The following PC variants were observed in gnomAD, a reference collection of about 807,000 sequenced individuals.
PC encodes the protein pyruvate carboxylase, mitochondrial.
Under a neutral mutation model 107.8 loss-of-function variants are expected in PC, and 46 were observed. The ratio of observed to expected loss-of-function variants is 0.43; its 90% CI spans 0.34 to 0.55. The LOEUF (loss-of-function observed/expected upper bound fraction) is 0.55. PC is among the 20% of genes least tolerant of loss of function. The pLI is 0.04. For synonymous variants in PC, 662 were observed against 684.7 expected (o/e 0.97, Z 0.52); for missense variants, 1,241 against 1,643.1 (o/e 0.76, Z 4.23).
Position 66,849,965 on chromosome 11 carries a change from C to G in PC, c.2870G>C (p.Gly957Ala). 1 of 1,613,674 alleles carries G rather than the reference C, an allele frequency of 6.2e-7. No homozygotes were observed. The highest frequency in any genetic ancestry group is 8.5e-7 in the Non-Finnish European group (1 of 1,180,036). ...FLQGYIGVPHGGFPEPFRSKV... is the reference protein window; with the variant it reads ...FLQGYIGVPHAGFPEPFRSKV... ...AGAGCGAAAGGGTTCGGGGAACCCCCCATGGGGGACACCGATGTAGCCCTG... is the reference window on the plus strand; with the variant it reads ...AGAGCGAAAGGGTTCGGGGAACCCCGCATGGGGGACACCGATGTAGCCCTG... The change falls in exon 20 of 23, where the codon GGG becomes GCG. Residue 957 changes from glycine (G) to alanine (A), a missense_variant. Transcript: ENST00000393960.
intron 10 of PC, among the ~76,000 whole-genome samples, chr11:66,867,146 G>A (rs1221207857): frequency 6.6e-6 from 1 of 152,214 alleles, no homozygotes; most frequent in African/African-American, 2.4e-5. Context: ...AGCACTTTGG[G>A]AGGCCAAAGT....
intron 3 of PC, among the ~76,000 whole-genome samples, chr11:66,932,985 AC>A (rs1363981251): frequency 6.6e-6 from 1 of 152,104 alleles, no homozygotes; most frequent in East Asian, 1.9e-4. Context: ...CGTCTAAAAT[AC>A]CTCTTCCACC....
intron 3 of PC, among the ~76,000 whole-genome samples, chr11:66,946,113 A>G (rs1949283142): frequency 1.3e-5 from 2 of 151,084 alleles, no homozygotes; most frequent in South Asian, 2.1e-4. Context: ...AAAAAAAAAA[A>G]AGAAATCTGT....
At chr11:66,873,510 A>C (rs1473215378) in intron 3 of PC, among the ~76,000 whole-genome samples, 10 of 1,342 alleles carry the variant, frequency 7.5e-3, no homozygotes, top group African/African-American at 8.3e-3. Context: ...ATAATATTAT[A>C]TATTATATTA....
chr11:66,903,427 AATTATT>A (rs1258011968), intron 3 of PC, among the ~76,000 whole-genome samples: 1 of 151,964 alleles, frequency 6.6e-6, no homozygotes, highest in Non-Finnish European at 1.5e-5. Flanking sequence ...TACGGACTAT[AATTATT>A]ATTATTTTAA....
Position 66,849,619 on chromosome 11 carries a change from C to T in PC, c.3139G>A (p.Glu1047Lys), listed in dbSNP as rs368722515. 6.2e-7 allele frequency: 1 copy of T among 1,614,184 alleles called. No individual in the cohort carries two copies. Among genetic ancestry groups the T allele is most frequent in the South Asian group, 1.1e-5 (1 of 91,084 alleles). The change falls in exon 21 of 23, where the codon GAG (glutamate) becomes AAG (lysine). Residue 1047 changes from glutamate to lysine, a missense_variant. Glu to Lys is a moderately conservative substitution (Grantham distance 56). Around this residue, in one of 2 missense-constraint regions of PC, gnomAD observed 1,143 missense variants for 1,551.9 expected, o/e 0.74. Transcript: ENST00000393960. ...GCGCCAGAGCCACTGACCTCAAACT[C>T]CTCTGCGATCTTGGGTCCCTGCAGG... The part of the protein sequence containing the change: ...LFLQGPKIAE[E>K]FEVELERGKT...
chr11:66,863,018 G>T (rs1946337615), intron 12 of PC, among the ~76,000 whole-genome samples: 1 of 148,484 alleles, frequency 6.7e-6, no homozygotes, highest in Admixed American at 6.7e-5. Context: ...TTGCCTGGTG[G>T]GGGGGGATCC....
intron 12 of PC, chr11:66,859,541 G>C: frequency 1.9e-6 from 3 of 1,564,480 alleles, no homozygotes; most frequent in Non-Finnish European, 2.6e-6. Flanking sequence ...GTGGCCCCAG[G>C]GGGAGGGGTG....
At chr11:66,931,419 G>A (rs1047543249) in intron 3 of PC, among the ~76,000 whole-genome samples, 23 of 151,412 alleles carry the variant, frequency 1.5e-4, no homozygotes, top group Non-Finnish European at 3.4e-4. Context: ...AATAGCTGAG[G>A]GAAGGGACTT....
chr11:66,888,296 A>T (rs1414794009), intron 3 of PC, among the ~76,000 whole-genome samples: 2 of 152,236 alleles, frequency 1.3e-5, no homozygotes, highest in Non-Finnish European at 2.9e-5. Flanking sequence ...ACGCTTCCCA[A>T]GCTGGAGTCC....
At chr11:66,927,778 C>T (rs1591293339) in intron 3 of PC, among the ~76,000 whole-genome samples, 2 of 151,632 alleles carry the variant, frequency 1.3e-5, no homozygotes, top group African/African-American at 2.4e-5. Context: ...TCTGCTTTCC[C>T]CACTAGAAAG....
At chr11:66,935,159 T>C (rs1053348948) in intron 3 of PC, among the ~76,000 whole-genome samples, 5 of 152,244 alleles carry the variant, frequency 3.3e-5, no homozygotes, top group Non-Finnish European at 4.4e-5. Flanking sequence ...AAAGAACCAT[T>C]TCTTGGAGTA....
intron 3 of PC, among the ~76,000 whole-genome samples, chr11:66,920,787 G>A (rs1948575623): frequency 1.3e-5 from 2 of 152,190 alleles, no homozygotes; most frequent in Admixed American, 1.3e-4. Flanking sequence ...GCTCACGCCT[G>A]TAATCCCAAC....
intron 1 of PC, among the ~76,000 whole-genome samples, chr11:66,955,054 C>T (rs1949527725): frequency 6.6e-6 from 1 of 152,204 alleles, no homozygotes; most frequent in African/African-American, 2.4e-5. Flanking sequence ...GACCTTGGTG[C>T]TGGCCATCCC....
chr11:66,909,097 C>T (rs1274457443), intron 3 of PC, among the ~76,000 whole-genome samples: 5 of 152,212 alleles, frequency 3.3e-5, no homozygotes, highest in African/African-American at 9.6e-5. Context: ...CCCTGTTCCC[C>T]GTGTCCAGTG....
rs1042547296 is a variant in PC at position 66,870,999 on chromosome 11, C to T, written c.633+53G>A. ...AGATCCCTTGAGTGGTCCGCCCCTG[C>T]CCCCACGGCAGGCTGCCCTGCCCTG... On this transcript the variant is annotated intron_variant, in intron 7 of 22. Coordinates refer to ENST00000393960, the MANE Select transcript of PC (RefSeq NM_001040716.2). This position sits in a 1 kb window ranked among gnomAD's most constrained non-coding sequence, Gnocchi z 6.1. The T allele has an allele frequency of 4.8e-5, 78 of 1,611,612 alleles. No homozygotes were observed. Among genetic ancestry groups the T allele is most frequent in the Non-Finnish European group, 6.4e-5 (75 of 1,178,726 alleles).
chr11:66,957,552 A>G (rs1301850111), intron 1 of PC, among the ~76,000 whole-genome samples: 3 of 152,124 alleles, frequency 2.0e-5, no homozygotes, highest in African/African-American at 7.2e-5. Context: ...GGAGGTCGAG[A>G]CTGCAGTGAG....
intron 3 of PC, among the ~76,000 whole-genome samples, chr11:66,904,730 C>T (rs1447113472): frequency 6.6e-6 from 1 of 152,192 alleles, no homozygotes; most frequent in Non-Finnish European, 1.5e-5. Context: ...GGATGGAAGG[C>T]CTGGCAGGGG....
chr11:66,852,979 C>T lies in PC; in HGVS notation c.1514-143G>A. The stretch of plus-strand genomic sequence containing the variant: ...CAGCTGGCCCCTGTCCTCTCCAAAG[C>T]CAGGGCCTCCTGGGTACAGGCAGTG... On this transcript the variant is annotated intron_variant, in intron 13 of 22. Coordinates refer to ENST00000393960, the MANE Select transcript of PC (RefSeq NM_001040716.2). The surrounding 1 kb of genome is among the most constrained non-coding windows in gnomAD (Gnocchi z 4.7). 1.4e-6 allele frequency: 1 copy of T among 733,738 alleles called. No individual in the cohort carries two copies. The highest frequency in any genetic ancestry group is 2.7e-5 in the East Asian group (1 of 36,934). 45.5% of individuals were successfully genotyped at this position (733,738 alleles called of 1,614,324 possible). A position where few individuals can be genotyped will look rare whatever the true frequency, so the allele number is the denominator to read the frequency against.
Sources: allele counts gnomAD v4.1 joint callset (sites outside exome capture counted in the v4.1 genomes callset), GRCh38; gene constraint gnomAD v4.1.1; regional missense constraint gnomAD v4.1.1; non-coding constraint Gnocchi (gnomAD v3.1); transcripts MANE v1.5; gene names NCBI Gene and HGNC (gene_info 2026-07-23, HGNC 2026-07-21).